CSMD3: variants seen among roughly 807,000 people sequenced by gnomAD.
CSMD3 encodes the protein CUB and sushi domain-containing protein 3.
A neutral mutation model predicts 435.2 loss-of-function variants in CSMD3; 177 were observed. That is an observed-to-expected ratio of 0.41 (90% CI 0.36 to 0.46). CSMD3 has a LOEUF of 0.46. CSMD3 is among the 20% of genes least tolerant of loss of function. The pLI, the probability that CSMD3 is intolerant of heterozygous loss-of-function variation, is 0.34. For missense variants in CSMD3, 4,265 were observed against 4,504.6 expected, an observed-to-expected ratio of 0.95 and a Z score of 1.52; for synonymous variants, 1,656 against 1,520.5, an observed-to-expected ratio of 1.09 and a Z score of -2.07.
chr8:112,251,078 G>T (rs1815214723), intron 63 of CSMD3, among the ~76,000 whole-genome samples: 1 of 151,602 alleles, frequency 6.6e-6, no homozygotes, highest in South Asian at 2.1e-4. Flanking sequence ...TGGCATGCTA[G>T]AATTTTCATC....
intron 32 of CSMD3, among the ~76,000 whole-genome samples, chr8:112,422,087 T>C (rs1479007513): frequency 6.6e-6 from 1 of 152,142 alleles, no homozygotes; most frequent in Non-Finnish European, 1.5e-5. Context: ...CATGGCATCA[T>C]GGAGTGTACT....
chr8:113,145,322 G>A (rs2091647941), intron 4 of CSMD3, among the ~76,000 whole-genome samples: 1 of 151,436 alleles, frequency 6.6e-6, no homozygotes, highest in Non-Finnish European at 1.5e-5. Context: ...TGCTGTCATG[G>A]GATTCTTTTT....
chr8:112,472,156 C>A (rs1221843210), intron 32 of CSMD3, among the ~76,000 whole-genome samples: 2 of 152,142 alleles, frequency 1.3e-5, no homozygotes, highest in African/African-American at 4.8e-5. Context: ...ACTCTTCTTT[C>A]TGGAAATGTG....
intron 13 of CSMD3, among the ~76,000 whole-genome samples, chr8:112,724,058 A>G (rs1261039738): frequency 6.6e-6 from 1 of 152,106 alleles, no homozygotes; most frequent in Non-Finnish European, 1.5e-5. Flanking sequence ...ATAAAATTAT[A>G]TAATATTAGA....
chr8:112,806,552 T>A lies in CSMD3; in HGVS notation c.1860-6278A>T, dbSNP rs188082446. Among the ~76,000 whole-genome samples, 9 of 152,308 alleles carry A rather than the reference T, an allele frequency of 5.9e-5. No individual in the cohort carries two copies. The South Asian group carries it at 1.9e-3, about 32-fold the overall frequency. On this transcript the variant is annotated intron_variant, in intron 12 of 70. Transcript: ENST00000297405. ...CCAACAGACTAGTTAAGAACAAGCA[T>A]TGATCCCAGTATTGTGCTTAGGAGA...
chr8:112,710,860 G>C (rs1290800831), intron 13 of CSMD3, among the ~76,000 whole-genome samples: 2 of 150,964 alleles, frequency 1.3e-5, no homozygotes, highest in African/African-American at 4.9e-5. Flanking sequence ...CTTCGTAAGA[G>C]ATATTGCATA....
chr8:112,429,290 A>G (rs1459478901), intron 32 of CSMD3, among the ~76,000 whole-genome samples: 1 of 152,022 alleles, frequency 6.6e-6, no homozygotes, highest in Non-Finnish European at 1.5e-5. Context: ...CAGATCATAC[A>G]ATATTGGTTT....
intron 3 of CSMD3, among the ~76,000 whole-genome samples, chr8:113,267,716 A>T (rs2093483286): frequency 6.6e-6 from 1 of 151,710 alleles, no homozygotes; most frequent in Non-Finnish European, 1.5e-5. Context: ...ACAAAGTTGT[A>T]TTGTACCCAG....
chr8:112,842,562 C>A (rs1451514972), intron 11 of CSMD3, among the ~76,000 whole-genome samples: 1 of 151,604 alleles, frequency 6.6e-6, no homozygotes, highest in Non-Finnish European at 1.5e-5. Context: ...CATATATATT[C>A]CAGGCCCTGT....
intron 32 of CSMD3, among the ~76,000 whole-genome samples, chr8:112,471,108 C>T (rs961269433): frequency 2.0e-5 from 3 of 152,104 alleles, no homozygotes; most frequent in African/African-American, 7.2e-5. Context: ...TACAGTAATA[C>T]ATCTCCAGGA....
chr8:112,932,232 A>G (rs1257512028), intron 9 of CSMD3, among the ~76,000 whole-genome samples: 1 of 152,206 alleles, frequency 6.6e-6, no homozygotes, highest in African/African-American at 2.4e-5. Context: ...TGTAGTGTGT[A>G]TACACAATGG....
intron 2 of CSMD3, chr8:113,311,782 A>C (rs2093871235): frequency 6.6e-6 from 1 of 152,116 alleles, no homozygotes; most frequent in Admixed American, 6.5e-5. Flanking sequence ...TAACTACAGT[A>C]CTTCTTGAAG....
At chr8:113,288,840 G>A (rs930741631) in intron 2 of CSMD3, among the ~76,000 whole-genome samples, 1 of 151,842 alleles carries the variant, frequency 6.6e-6, no homozygotes, top group African/African-American at 2.4e-5. Flanking sequence ...CTAGGGATAA[G>A]ATGAGGTAAA....
intron 23 of CSMD3, among the ~76,000 whole-genome samples, chr8:112,580,338 G>C (rs1272415300): frequency 6.6e-6 from 1 of 151,958 alleles, no homozygotes; most frequent in African/African-American, 2.4e-5. Context: ...AAACAAACTA[G>C]AGAAACATTC....
At chr8:113,137,400 T>C (rs2091443257) in intron 4 of CSMD3, among the ~76,000 whole-genome samples, 1 of 151,740 alleles carries the variant, frequency 6.6e-6, no homozygotes, top group Admixed American at 6.6e-5. Context: ...TAATTCAGAA[T>C]CTACATGTAT....
chr8:113,355,902 A>G (rs1234079856), intron 1 of CSMD3, among the ~76,000 whole-genome samples: 1 of 150,158 alleles, frequency 6.7e-6, no homozygotes, highest in Non-Finnish European at 1.5e-5. Context: ...ATAGTTGTAC[A>G]TAATATTAGT....
intron 59 of CSMD3, among the ~76,000 whole-genome samples, chr8:112,269,712 C>G (rs1209507854): frequency 1.3e-5 from 2 of 152,150 alleles, no homozygotes; most frequent in Admixed American, 1.3e-4. Flanking sequence ...AGAGTAATTA[C>G]ATGTACTTAT....
intron 13 of CSMD3, among the ~76,000 whole-genome samples, chr8:112,798,100 A>AGAGCTAAC (rs887360591): frequency 2.0e-5 from 3 of 151,912 alleles, no homozygotes; most frequent in Non-Finnish European, 4.4e-5. Context: ...TGTGATGGGT[A>AGAGCTAAC]GAGCTAACGA....
At chr8:112,681,397 T>C (rs1438939484) in intron 16 of CSMD3, among the ~76,000 whole-genome samples, 1 of 152,080 alleles carries the variant, frequency 6.6e-6, no homozygotes, top group East Asian at 1.9e-4. Context: ...TTAGATACTA[T>C]AGTGGAAGGA....
Sources: gnomAD v4.1 joint callset for allele counts (sites outside exome capture counted in the v4.1 genomes callset) on GRCh38, gnomAD v4.1.1 for gene constraint, MANE v1.5 for transcripts, NCBI Gene and HGNC (gene_info 2026-07-23, HGNC 2026-07-21) for gene names.